Variants in CDH13 observed in about 807,000 individuals in gnomAD.
CDH13 encodes the protein cadherin-13.
A neutral mutation model predicts 63.8 loss-of-function variants in CDH13; 24 were observed. The ratio of observed to expected loss-of-function variants is 0.38; its 90% CI spans 0.27 to 0.53. The LOEUF is 0.53. Ranked by LOEUF, CDH13 falls within the 20% of genes least tolerant of loss-of-function variation. The pLI is 0.85. For missense variants in CDH13, 1,049 were observed against 903.1 expected, an observed-to-expected ratio of 1.16 and a Z score of -2.07; for synonymous variants, 503 against 355.3, an observed-to-expected ratio of 1.42 and a Z score of -4.67.
chr16:82,714,884 G>A (rs35385266), intron 1 of CDH13, among the ~76,000 whole-genome samples: 3 of 135,836 alleles, frequency 2.2e-5, no homozygotes, highest in African/African-American at 8.0e-5. Context: ...AGAGCCTTCA[G>A]AAAGGACATG....
At position 83,478,107 on chromosome 16, in the gene CDH13, C is replaced by T. The variant is rs538434679; in HGVS notation, c.782-8370C>T. Among the ~76,000 whole-genome samples, 463 of 151,054 alleles carry T rather than the reference C, an allele frequency of 3.1e-3. 3 individuals are homozygous for T. Among genetic ancestry groups the T allele is most frequent in the African/African-American group, 9.5e-3 (391 of 41,064 alleles). On this transcript the variant is annotated intron_variant, in intron 6 of 13. Coordinates refer to ENST00000567109, the MANE Select transcript of CDH13 (RefSeq NM_001257.5). Reference sequence around the variant, plus strand: ...CCCAAGAGGCGGAGCTTGCAGTGAGCCGAGATCACGCCACTGCACTCCAGC... The same window carrying T: ...CCCAAGAGGCGGAGCTTGCAGTGAGTCGAGATCACGCCACTGCACTCCAGC...
At chr16:83,683,470 C>T (rs879273769) in intron 10 of CDH13, among the ~76,000 whole-genome samples, 3 of 152,200 alleles carry the variant, frequency 2.0e-5, no homozygotes, top group African/African-American at 7.2e-5. Context: ...CCAAAATTGG[C>T]TTGCATTATC....
intron 4 of CDH13, among the ~76,000 whole-genome samples, chr16:83,164,115 C>T (rs137859479): frequency 2.0e-3 from 311 of 152,142 alleles, no homozygotes; most frequent in African/African-American, 6.7e-3. Flanking sequence ...GACTCCAAAG[C>T]CCGTGTGCTT....
intron 1 of CDH13, chr16:82,823,855 T>A (rs1349700202): frequency 6.6e-6 from 1 of 152,162 alleles, no homozygotes; most frequent in African/African-American, 2.4e-5. Flanking sequence ...TACATATGAA[T>A]TTATTAGGTG....
intron 3 of CDH13, among the ~76,000 whole-genome samples, chr16:83,092,930 C>T (rs893743843): frequency 4.6e-5 from 7 of 152,094 alleles, no homozygotes; most frequent in South Asian, 2.1e-4. Flanking sequence ...GGTACTTTTG[C>T]GCAAGATTTG....
chr16:82,807,544 C>G (rs912355933), intron 1 of CDH13, among the ~76,000 whole-genome samples: 2 of 144,228 alleles, frequency 1.4e-5, no homozygotes, highest in Admixed American at 7.3e-5. Context: ...GCAAAACCAT[C>G]TGGGTAAAAA....
intron 2 of CDH13, among the ~76,000 whole-genome samples, chr16:82,934,048 C>G (rs974670237): frequency 6.6e-6 from 1 of 152,252 alleles, no homozygotes; most frequent in Non-Finnish European, 1.5e-5. Flanking sequence ...CCTTTTCTCA[C>G]AGCTCAACTA....
chr16:83,477,538 T>G (rs1470281644), intron 6 of CDH13, among the ~76,000 whole-genome samples: 1 of 152,160 alleles, frequency 6.6e-6, no homozygotes. Context: ...TCGTGCCCGT[T>G]TAGTCAGTGC....
chr16:83,781,745 C>A (rs1012511157), intron 12 of CDH13, among the ~76,000 whole-genome samples: 1 of 151,206 alleles, frequency 6.6e-6, no homozygotes, highest in African/African-American at 2.4e-5. Flanking sequence ...CCAATTGGAA[C>A]TTTCTCATTC....
intron 1 of CDH13, among the ~76,000 whole-genome samples, chr16:82,648,432 G>A (rs145592177): frequency 1.3e-3 from 204 of 152,280 alleles, no homozygotes; most frequent in African/African-American, 4.7e-3. Flanking sequence ...TCCAGCAAAT[G>A]AAAACAGGTT....
chr16:83,160,357 C>G (rs913269773), intron 4 of CDH13, among the ~76,000 whole-genome samples: 1 of 151,762 alleles, frequency 6.6e-6, no homozygotes, highest in Non-Finnish European at 1.5e-5. Context: ...TTAAAAAAAC[C>G]GTAAAAAAAT....
At chr16:82,816,583 C>T (rs1350343703) in intron 1 of CDH13, among the ~76,000 whole-genome samples, 1 of 151,866 alleles carries the variant, frequency 6.6e-6, no homozygotes, top group Non-Finnish European at 1.5e-5. Flanking sequence ...AGGTGCCAGG[C>T]CAAGGTAATA....
chr16:83,272,813 G>T (rs2088866433), intron 5 of CDH13, among the ~76,000 whole-genome samples: 1 of 152,154 alleles, frequency 6.6e-6, no homozygotes, highest in African/African-American at 2.4e-5. Flanking sequence ...TCTGTTGAGT[G>T]GTCCTAGGAG....
chr16:82,654,052 G>A (rs944239267), intron 1 of CDH13, among the ~76,000 whole-genome samples: 1 of 152,200 alleles, frequency 6.6e-6, no homozygotes, highest in Non-Finnish European at 1.5e-5. Context: ...GGGCCTGAGA[G>A]AGGATTCCCC....
At chr16:83,313,846 G>T (rs975467280) in intron 5 of CDH13, among the ~76,000 whole-genome samples, 2 of 152,126 alleles carry the variant, frequency 1.3e-5, no homozygotes, top group African/African-American at 4.8e-5. Context: ...AACTGATCCT[G>T]TCTTAATGAG....
intron 7 of CDH13, among the ~76,000 whole-genome samples, chr16:83,501,772 A>T (rs996532770): frequency 3.3e-5 from 5 of 152,216 alleles, no homozygotes; most frequent in African/African-American, 1.2e-4. Flanking sequence ...AAAGCACGGG[A>T]CATATTGATG....
chr16:83,096,034 G>T (rs1288034902), intron 3 of CDH13, among the ~76,000 whole-genome samples: 4 of 152,132 alleles, frequency 2.6e-5, no homozygotes, highest in Non-Finnish European at 5.9e-5. Context: ...CCAGGAAGAG[G>T]GTGTGATGCA....
chr16:83,335,020 C>A (rs1360314491), intron 5 of CDH13, among the ~76,000 whole-genome samples: 2 of 152,124 alleles, frequency 1.3e-5, no homozygotes, highest in African/African-American at 4.8e-5. Context: ...GTTATCATTT[C>A]CTGTCTTATC....
intron 5 of CDH13, among the ~76,000 whole-genome samples, chr16:83,279,908 A>G (rs1036713700): frequency 6.6e-6 from 1 of 152,050 alleles, no homozygotes; most frequent in Non-Finnish European, 1.5e-5. Context: ...TGTAGTAAGT[A>G]TGCAATAGTT....
Sources: gnomAD v4.1 joint callset for allele counts (sites outside exome capture counted in the v4.1 genomes callset) on GRCh38, gnomAD v4.1.1 for gene constraint, MANE v1.5 for transcripts, NCBI Gene and HGNC (gene_info 2026-07-23, HGNC 2026-07-21) for gene names.